KDM2A: variants seen among roughly 807,000 people sequenced by gnomAD.
KDM2A encodes lysine-specific demethylase 2A.
Under a neutral mutation model 137.3 loss-of-function variants are expected in KDM2A, and 3 were observed. That is an observed-to-expected ratio of 0.02 (90% CI 0.01 to 0.06). The LOEUF (loss-of-function observed/expected upper bound fraction) is 0.06. Among genes scored for constraint, KDM2A ranks in the 10% least tolerant of loss-of-function variants. KDM2A has a pLI of 1.00. For synonymous variants in KDM2A, 512 were observed against 541.5 expected (o/e 0.95, Z 0.76); for missense variants, 738 against 1,510.6 (o/e 0.49, Z 8.48).
At chr11:67,203,849 G>A (rs1466051134) in intron 5 of KDM2A, among the ~76,000 whole-genome samples, 2 of 150,360 alleles carry the variant, frequency 1.3e-5, no homozygotes, top group Non-Finnish European at 3.0e-5. Flanking sequence ...GCCCAGGTCC[G>A]GAGTGCAGTG....
intron 5 of KDM2A, among the ~76,000 whole-genome samples, chr11:67,199,508 G>A (rs533991613): frequency 1.7e-4 from 26 of 152,284 alleles, no homozygotes; most frequent in African/African-American, 5.8e-4. Flanking sequence ...CACTGATAAC[G>A]GAGAAAGTCT....
At position 67,163,762 on chromosome 11, in the gene KDM2A, A is replaced by C. The variant is rs765300156; in HGVS notation, c.43-16317A>C. ...TCCCAGCTACTCGGGAGGTTGCAGCAGGAGAATCGCTTGAACCTGAGAGTC... is the reference window on the plus strand; with the variant it reads ...TCCCAGCTACTCGGGAGGTTGCAGCCGGAGAATCGCTTGAACCTGAGAGTC... On this transcript the variant is annotated intron_variant, in intron 2 of 20. Coordinates refer to ENST00000529006, the MANE Select transcript of KDM2A (RefSeq NM_012308.3). Among the ~76,000 whole-genome samples the C allele has an allele frequency of 3.3e-5, 5 of 152,010 alleles. No individual in the cohort carries two copies. In the South Asian group the frequency reaches 6.2e-4, roughly 19 times the overall value.
In KDM2A at chr11:67,252,841, C is replaced by T. The variant is rs374069793; in HGVS notation, c.2916C>T (p.Leu972=). The T allele has an allele frequency of 4.4e-5, 71 of 1,606,454 alleles. No individual in the cohort carries two copies. Among genetic ancestry groups the T allele is most frequent in the Non-Finnish European group, 5.6e-5 (66 of 1,174,154 alleles). Residue 972 remains leucine, a synonymous_variant, in exon 18 of 21, where the codon CTC becomes CTT. Coordinates refer to ENST00000529006, the MANE Select transcript of KDM2A (RefSeq NM_012308.3). ...TNISKKQLTW[L]VNRLPGLKDL... ...TCTCTAAAAAGCAACTGACATGGCT[C>T]GTCAATAGGCTGCCAGGTAAGTGAG...
chr11:67,166,938 C>T (rs1272988772), intron 2 of KDM2A, among the ~76,000 whole-genome samples: 4 of 151,386 alleles, frequency 2.6e-5, no homozygotes, highest in South Asian at 2.1e-4. Flanking sequence ...ATTAGCCAGG[C>T]GTGGTGGTGC....
intron 15 of KDM2A, among the ~76,000 whole-genome samples, chr11:67,247,037 TTATATATATATATATATATATA>T (rs59101290): frequency 1.2e-4 from 4 of 33,074 alleles, no homozygotes; most frequent in South Asian, 1.8e-3. Flanking sequence ...ATAAATTATT[TTATATATATATATATATATATA>T]TATATATATA....
intron 2 of KDM2A, among the ~76,000 whole-genome samples, chr11:67,168,321 C>T (rs748430214): frequency 6.6e-6 from 1 of 152,000 alleles, no homozygotes; most frequent in Non-Finnish European, 1.5e-5. Context: ...GAGCTTCCCC[C>T]AAACCCTCTG....
intron 5 of KDM2A, among the ~76,000 whole-genome samples, chr11:67,189,209 C>A (rs746378696): frequency 2.0e-5 from 3 of 152,164 alleles, no homozygotes; most frequent in Non-Finnish European, 2.9e-5. Flanking sequence ...ATCAAAGTAT[C>A]TTCTCCAACC....
At chr11:67,252,397 G>T in intron 17 of KDM2A, 10 of 402,372 alleles carry the variant, frequency 2.5e-5, no homozygotes, top group South Asian at 2.0e-4. Context: ...ATAGACTGTT[G>T]CTTGCTATGG....
chr11:67,254,200 C>T lies in KDM2A; in HGVS notation c.3092-3C>T, dbSNP rs143995658. The T allele has an allele frequency of 6.2e-7, 1 of 1,612,944 alleles. No individual in the cohort carries two copies. On this transcript the variant is annotated splice_polypyrimidine_tract_variant and splice_region_variant and intron_variant, in intron 19 of 20. Coordinates refer to ENST00000529006, the MANE Select transcript of KDM2A (RefSeq NM_012308.3). The surrounding 1 kb of genome is among the most constrained non-coding windows in gnomAD (Gnocchi z 4.7). ...GATCTAGGCTCTTCTCTTGCCTGTA[C>T]AGGTCAGGACAATCGCAGCAAGCTC...
chr11:67,221,264 G>T (rs1473459073), intron 10 of KDM2A, among the ~76,000 whole-genome samples: 1 of 152,214 alleles, frequency 6.6e-6, no homozygotes, highest in African/African-American at 2.4e-5. Context: ...AAGTAGCTTA[G>T]CAGAATACTA....
intron 2 of KDM2A, among the ~76,000 whole-genome samples, chr11:67,168,495 A>T (rs1229881753): frequency 1.3e-5 from 2 of 151,654 alleles, no homozygotes; most frequent in Non-Finnish European, 2.9e-5. Flanking sequence ...TTGTATACAG[A>T]GTGTCTGGCT....
In KDM2A at chr11:67,151,874, A is replaced by T. The variant is rs542266097; in HGVS notation, c.43-28205A>T. ...ATTCTCTTACCTCAACCTCCTGCGT[A>T]GCTAGGACTATAGGCATGTACCACC... On this transcript the variant is annotated intron_variant, in intron 2 of 20. Coordinates refer to ENST00000529006, the MANE Select transcript of KDM2A (RefSeq NM_012308.3). Among the ~76,000 whole-genome samples, 27 of 152,264 alleles carry T rather than the reference A, an allele frequency of 1.8e-4. No homozygotes were observed. The East Asian group carries it at 4.2e-3, about 24-fold the overall frequency.
chr11:67,217,452 C>T (rs1166128663), intron 8 of KDM2A: 1 of 414,764 alleles, frequency 2.4e-6, no homozygotes, highest in East Asian at 5.0e-5. Context: ...AAGGGACTGC[C>T]TAGGTAATGA....
At chr11:67,142,704 C>T (rs1224693291) in intron 2 of KDM2A, among the ~76,000 whole-genome samples, 1 of 145,366 alleles carries the variant, frequency 6.9e-6, no homozygotes, top group Non-Finnish European at 1.5e-5. Context: ...GACTCCATCT[C>T]AAAAAAAAAA....
rs1212913269 is a variant in KDM2A at position 67,247,063 on chromosome 11, A to ATTTTT, written c.1965+948_1965+949insTTTTT. 2.5e-3 allele frequency among the ~76,000 whole-genome samples: 63 copies of ATTTTT among 25,016 alleles called. 4 individuals are homozygous for ATTTTT. In the Admixed American group the frequency reaches 0.034, roughly 13 times the overall value. The allele number at this position is 25,016 out of a possible 152,430, so 16.4% of individuals were successfully genotyped here. On this transcript the variant is annotated intron_variant, in intron 15 of 20. Coordinates refer to ENST00000529006, the MANE Select transcript of KDM2A (RefSeq NM_012308.3). ...TATATATATATATATATATATATAT[A>ATTTTT]TATATATATTTTTTTTTTTTTTTTT...
chr11:67,225,359 G>T (rs1308350929), intron 10 of KDM2A, among the ~76,000 whole-genome samples: 17 of 152,220 alleles, frequency 1.1e-4, no homozygotes, highest in African/African-American at 3.6e-4. Flanking sequence ...TTCTTGGGCA[G>T]GCGTGGTGGC....
intron 15 of KDM2A, among the ~76,000 whole-genome samples, chr11:67,246,579 AAAAAAGTAAT>A (rs1237984135): frequency 2.6e-5 from 4 of 152,248 alleles, no homozygotes; most frequent in South Asian, 2.1e-4. Context: ...GCTTTAAAAA[AAAAAAGTAAT>A]AAAAAGTAAT....
chr11:67,181,818 T>A, intron 4 of KDM2A, 28 bp from the exon 5 acceptor site: 1 of 1,607,610 alleles, frequency 6.2e-7, no homozygotes, highest in Non-Finnish European at 8.5e-7. Context: ...GTGTTTTCCA[T>A]ATATACTTAC....
chr11:67,205,411 G>A (rs1857770564), intron 5 of KDM2A, among the ~76,000 whole-genome samples: 1 of 151,878 alleles, frequency 6.6e-6, no homozygotes, highest in Non-Finnish European at 1.5e-5. Flanking sequence ...CTTAGAGACA[G>A]GGTATCAGGT....
Sources: allele counts gnomAD v4.1 joint callset (sites outside exome capture counted in the v4.1 genomes callset), GRCh38; gene constraint gnomAD v4.1.1; non-coding constraint Gnocchi (gnomAD v3.1); transcripts MANE v1.5; gene names NCBI Gene and HGNC (gene_info 2026-07-23, HGNC 2026-07-21).